MAP1S: variants seen among roughly 807,000 people sequenced by gnomAD.
MAP1S encodes the protein microtubule-associated protein 1S.
Under a neutral mutation model 60.9 loss-of-function variants are expected in MAP1S, and 27 were observed. The observed-to-expected ratio is 0.44, with a 90% CI of 0.33 to 0.61. The LOEUF is 0.61. MAP1S is among the 20% of genes least tolerant of loss of function. The pLI, the probability that MAP1S is intolerant of heterozygous loss-of-function variation, is 0.03. For missense variants in MAP1S, 1,608 were observed against 1,486.6 expected (o/e 1.08, Z -1.34); for synonymous variants, 826 against 694.2 (o/e 1.19, Z -2.98).
In MAP1S at chr19:17,727,682, C is replaced by A. The variant is rs2080451429; in HGVS notation, c.2298C>A (p.Ser766Arg). ...APASPGSSND[S>R]SARSQERAGG... ...CGTCCCCCGGCAGCTCGAATGACAG[C>A]AGTGCCCGGTCACAGGAACGGGCAG... The change falls in exon 5 of 7, where the codon AGC (serine) becomes AGA (arginine). Residue 766 changes from serine to arginine, a missense_variant. Transcript: ENST00000324096. The surrounding 1 kb of genome is among the most constrained non-coding windows in gnomAD (Gnocchi z 4.1). 2 of 1,609,636 alleles carry A rather than the reference C, an allele frequency of 1.2e-6. No homozygotes were observed. Among genetic ancestry groups the A allele is most frequent in the Non-Finnish European group, 1.7e-6 (2 of 1,179,486 alleles).
chr19:17,725,034 C>T lies in MAP1S; in HGVS notation c.304-15C>T. The T allele has an allele frequency of 6.2e-7, 1 of 1,614,096 alleles. No homozygotes were observed. Among genetic ancestry groups the T allele is most frequent in the Non-Finnish European group, 8.5e-7 (1 of 1,180,006 alleles). On this transcript the variant is annotated splice_polypyrimidine_tract_variant and intron_variant, in intron 3 of 6. Coordinates refer to ENST00000324096, the MANE Select transcript of MAP1S (RefSeq NM_018174.6). This position sits in a 1 kb window ranked among gnomAD's most constrained non-coding sequence, Gnocchi z 4.2. ...TGCACAGAACGGGTCCTTTAGTGTT[C>T]ACCCCCTCCCTCAGCTCCGGAACCT...
rs781782726 is a variant in MAP1S, at chr19:17,725,480, A to G, written c.444+291A>G. On this transcript the variant is annotated intron_variant, in intron 4 of 6. Coordinates refer to ENST00000324096, the MANE Select transcript of MAP1S (RefSeq NM_018174.6). The surrounding 1 kb of genome is among the most constrained non-coding windows in gnomAD (Gnocchi z 4.2). ...CGCAGTCTGGGTAGGACACATGGGC[A>G]AAATGGCAAACCTCACTTTCACATT... Among the ~76,000 whole-genome samples, 4 of 152,242 alleles carry G rather than the reference A, an allele frequency of 2.6e-5. No homozygotes were observed. Among genetic ancestry groups the G allele is most frequent in the Non-Finnish European group, 4.4e-5 (3 of 68,038 alleles).
In MAP1S at chr19:17,725,226, T is replaced by C; in HGVS notation, c.444+37T>C. 1 of 1,579,058 alleles carries C rather than the reference T, an allele frequency of 6.3e-7. No homozygotes were observed. The highest frequency in any genetic ancestry group is 8.6e-7 in the Non-Finnish European group (1 of 1,163,030). On this transcript the variant is annotated intron_variant, in intron 4 of 6. Coordinates refer to ENST00000324096, the MANE Select transcript of MAP1S (RefSeq NM_018174.6). This position sits in a 1 kb window ranked among gnomAD's most constrained non-coding sequence, Gnocchi z 4.2. ...CTTTGCCATCCCCTGCTTCCCCAGC[T>C]CTGAATCCTGACTGGGGTGTATCAG... is the stretch of plus-strand genomic sequence containing the variant.
chr19:17,724,996 C>T, intron 3 of MAP1S, 53 bp from the exon 4 acceptor site: 1 of 1,611,882 alleles, frequency 6.2e-7, no homozygotes, highest in Non-Finnish European at 8.5e-7. Flanking sequence ...AAGAGGACTG[C>T]TGGATACGTC....
chr19:17,720,134 G>A lies in MAP1S; in HGVS notation c.118+514G>A, dbSNP rs1599450359. On this transcript the variant is annotated intron_variant, in intron 1 of 6. Transcript: ENST00000324096. ...GTGTGGGCGGGTGCGGCCTGCCCTG[G>A]GGATTTGGCACCTAGGGAGGTGAGT... is the stretch of plus-strand genomic sequence containing the variant. 3.6e-5 allele frequency: 47 copies of A among 1,292,378 alleles called. No individual in the cohort carries two copies. In the South Asian group the frequency reaches 9.0e-4, roughly 25 times the overall value. 80.1% of individuals were successfully genotyped at this position (1,292,378 alleles called of 1,614,324 possible).
At position 17,719,529 on chromosome 19, in the gene MAP1S, T is replaced by A. The variant is rs2080351615; in HGVS notation, c.27T>A (p.Ala9=). MAAVAGSG[A]AAAPSSLLLV... ...TGGCGGCGGTGGCTGGATCTGGGGC[T>A]GCCGCGGCTCCGAGCTCACTGCTCC... Residue 9 remains alanine (A), a synonymous_variant, in exon 1 of 7, where the codon GCT becomes GCA. Coordinates refer to ENST00000324096, the MANE Select transcript of MAP1S (RefSeq NM_018174.6). 2 of 1,245,826 alleles carry A rather than the reference T, an allele frequency of 1.6e-6. No individual in the cohort carries two copies. Among genetic ancestry groups the A allele is most frequent in the Non-Finnish European group, 1.0e-6 (1 of 987,600 alleles). 77.2% of individuals were successfully genotyped at this position (1,245,826 alleles called of 1,614,324 possible). A position where few individuals can be genotyped will look rare whatever the true frequency, so the allele number is the denominator to read the frequency against.
chr19:17,723,735 G>T (rs2080391733), intron 2 of MAP1S, among the ~76,000 whole-genome samples: 1 of 146,770 alleles, frequency 6.8e-6, no homozygotes, highest in Admixed American at 6.8e-5. Context: ...CTGTAGTCCT[G>T]GCTACTCGGG....
chr19:17,719,698 GGGCGGCGGCGGC>G (rs531398234), intron 1 of MAP1S, 78 bp downstream of exon 1: 12 of 553,940 alleles, frequency 2.2e-5, no homozygotes, highest in African/African-American at 4.2e-5. Context: ...CGGCGGGGTG[GGGCGGCGGCGGC>G]GGCGGCGGCG....
chr19:17,724,157 C>T lies in MAP1S; in HGVS notation c.252C>T (p.Asn84=), dbSNP rs763069905. Residue 84 remains asparagine (N), a synonymous_variant, in exon 3 of 7, where the codon AAC becomes AAT. Transcript: ENST00000324096. ...GGAGCCTGCACCACCGTGGAGACAA[C>T]CTGGAGACCCTGGTCCTCCTGAACC... ...GQRSLHHRGD[N]LETLVLLNPS... is the part of the protein sequence containing the mutation. 1.9e-6 allele frequency: 3 copies of T among 1,613,836 alleles called. No individual in the cohort carries two copies. The highest frequency in any genetic ancestry group is 2.2e-5 in the East Asian group (1 of 44,886).
At chr19:17,720,576 T>C in intron 1 of MAP1S, 2 of 1,389,924 alleles carry the variant, frequency 1.4e-6, no homozygotes, top group East Asian at 5.1e-5. Context: ...AAGGGCCCCC[T>C]GGCCAGTAGG....
rs756980586 is a variant in MAP1S, at chr19:17,727,928, G to GC, written c.2550dup (p.Lys851GlnfsTer54). ...TCTGCATGGTGGACCCCGAGATGCT[G>GC]CCCCCCAAGACAGCACGGCAAACGG... On this transcript the variant is annotated frameshift_variant, in exon 5 of 7. Transcript: ENST00000324096. LOFTEE classifies it high-confidence loss of function. The surrounding 1 kb of genome is among the most constrained non-coding windows in gnomAD (Gnocchi z 4.1). 3.1e-6 allele frequency: 5 copies of GC among 1,610,320 alleles called. No homozygotes were observed. The highest frequency in any genetic ancestry group is 2.5e-6 in the Non-Finnish European group (3 of 1,178,742).
chr19:17,720,448 A>T, intron 1 of MAP1S: 1 of 1,533,790 alleles, frequency 6.5e-7, no homozygotes. Context: ...TTGGGGATGG[A>T]CCCAAAGCGA....
chr19:17,727,154 A>G lies in MAP1S; in HGVS notation c.1770A>G (p.Glu590=), dbSNP rs750391672. The G allele has an allele frequency of 6.3e-7, 1 of 1,589,574 alleles. No individual in the cohort carries two copies. Among genetic ancestry groups the G allele is most frequent in the South Asian group, 1.1e-5 (1 of 88,388 alleles). The change falls in exon 5 of 7, where the codon GAA becomes GAG. Residue 590 remains glutamate (E), a synonymous_variant. Transcript: ENST00000324096. This position sits in a 1 kb window ranked among gnomAD's most constrained non-coding sequence, Gnocchi z 4.1. ...PRSPPSLRCG[E]ASPPSAACGS... is the part of the protein sequence containing the mutation. ...GCCCGCCCAGCCTCCGATGTGGAGA[A>G]GCCAGCCCCCCCAGTGCAGCCTGCG...
At chr19:17,724,888 G>C in intron 3 of MAP1S, 161 bp from the exon 4 acceptor site, 2 of 809,494 alleles carry the variant, frequency 2.5e-6, no homozygotes, top group East Asian at 5.0e-5. Flanking sequence ...GGCCCAGCAG[G>C]AGACCTGGAG....
At chr19:17,722,039 C>T (rs888528151) in intron 2 of MAP1S, among the ~76,000 whole-genome samples, 1 of 152,176 alleles carries the variant, frequency 6.6e-6, no homozygotes, top group Non-Finnish European at 1.5e-5. Context: ...CTTCCTGACA[C>T]TTCATGGGGC....
Position 17,725,044 on chromosome 19 carries a change from C to T in MAP1S, c.304-5C>T. 2 of 1,614,178 alleles carry T rather than the reference C, an allele frequency of 1.2e-6. No homozygotes were observed. The highest frequency in any genetic ancestry group is 1.7e-6 in the Non-Finnish European group (2 of 1,180,034). The stretch of plus-strand genomic sequence containing the variant: ...GGGTCCTTTAGTGTTCACCCCCTCC[C>T]TCAGCTCCGGAACCTTCTGTTGGAC... On this transcript the variant is annotated splice_polypyrimidine_tract_variant and splice_region_variant and intron_variant, in intron 3 of 6. Transcript: ENST00000324096. The surrounding 1 kb of genome is among the most constrained non-coding windows in gnomAD (Gnocchi z 4.2).
In MAP1S at chr19:17,728,116, G is replaced by C; in HGVS notation, c.2732G>C (p.Arg911Pro). 1 of 1,611,504 alleles carries C rather than the reference G, an allele frequency of 6.2e-7. No individual in the cohort carries two copies. Among genetic ancestry groups the C allele is most frequent in the Non-Finnish European group, 8.5e-7 (1 of 1,178,990 alleles). ...ARSEPSEKGG[R>P]APLSRKSSTP... ...AGTGAGCCCAGTGAGAAGGGAGGCC[G>C]GGCACCCCTGTCCAGAAAGTCCTCA... The change falls in exon 5 of 7, where the codon CGG (arginine) becomes CCG (proline). Residue 911 changes from arginine to proline, a missense_variant. Around this residue, in one of 4 missense-constraint regions of MAP1S, gnomAD observed 1,167 missense variants for 961.4 expected, o/e 1.21. Coordinates refer to ENST00000324096, the MANE Select transcript of MAP1S (RefSeq NM_018174.6).
In MAP1S at chr19:17,726,612, G is replaced by T. The variant is rs750811793; in HGVS notation, c.1228G>T (p.Ala410Ser). The T allele has an allele frequency of 2.1e-4, 335 of 1,571,720 alleles. No homozygotes were observed. Among genetic ancestry groups the T allele is most frequent in the Non-Finnish European group, 2.7e-4 (315 of 1,163,308 alleles). Residue 410 changes from alanine to serine, a missense_variant, in exon 5 of 7, where the codon GCC becomes TCC. Physicochemically the swap from Ala to Ser is moderately conservative, Grantham distance 99. This residue lies in a region of MAP1S where 1,167 missense variants were observed against 961.4 expected (regional missense o/e 1.21). Coordinates refer to ENST00000324096, the MANE Select transcript of MAP1S (RefSeq NM_018174.6). Reference protein sequence around the residue: ...PPSAGAERTLASVCALLVWHP... With the variant: ...PPSAGAERTLSSVCALLVWHP... ...CTCCGCCGGCGCCGAGCGCACGCTG[G>T]CCTCTGTGTGCGCCCTGCTGGTGTG...
intron 1 of MAP1S, chr19:17,720,633 GC>G: frequency 1.1e-6 from 1 of 914,088 alleles, no homozygotes. Context: ...AGGGGAAACA[GC>G]TGTTGCAAGG....
Sources: allele counts gnomAD v4.1 joint callset (sites outside exome capture counted in the v4.1 genomes callset), GRCh38; gene constraint gnomAD v4.1.1; regional missense constraint gnomAD v4.1.1; non-coding constraint Gnocchi (gnomAD v3.1); transcripts MANE v1.5; gene names NCBI Gene and HGNC (gene_info 2026-07-23, HGNC 2026-07-21).